Variants in SGCZ observed in about 807,000 individuals in gnomAD.
SGCZ encodes the protein sarcoglycan zeta.
In SGCZ, 40 loss-of-function variants were observed where a neutral mutation model predicts 41.3. The observed-to-expected ratio is 0.97, with a 90% CI of 0.75 to 1.26. The LOEUF is 1.26. SGCZ is among the 50% of genes most tolerant of loss of function. SGCZ has a pLI of 0.00. For missense variants in SGCZ, 552 were observed against 369.8 expected, an observed-to-expected ratio of 1.49 and a Z score of -4.04; for synonymous variants, 206 against 137.5, an observed-to-expected ratio of 1.50 and a Z score of -3.49.
At chr8:14,211,360 C>T (rs1181793512) in intron 4 of SGCZ, among the ~76,000 whole-genome samples, 1 of 152,148 alleles carries the variant, frequency 6.6e-6, no homozygotes, top group Non-Finnish European at 1.5e-5. Flanking sequence ...CACCCAGGCG[C>T]TACCAGTTTC....
chr8:14,131,038 C>A (rs530844975), intron 5 of SGCZ, among the ~76,000 whole-genome samples: 1 of 152,160 alleles, frequency 6.6e-6, no homozygotes, highest in Non-Finnish European at 1.5e-5. Flanking sequence ...CACCTAACCA[C>A]GAATAGGGAG....
intron 1 of SGCZ, among the ~76,000 whole-genome samples, chr8:14,850,152 T>C (rs1015614605): frequency 2.0e-5 from 3 of 152,242 alleles, no homozygotes; most frequent in African/African-American, 7.2e-5. Flanking sequence ...TTTGCTTTAC[T>C]TCAAAGTATC....
intron 1 of SGCZ, among the ~76,000 whole-genome samples, chr8:15,040,927 TAGATA>T (rs1804071512): frequency 1.3e-5 from 2 of 152,134 alleles, no homozygotes; most frequent in South Asian, 2.1e-4. Context: ...AGTATATTAT[TAGATA>T]AAAGGTAAAA....
At chr8:14,203,389 T>A (rs1312646009) in intron 4 of SGCZ, among the ~76,000 whole-genome samples, 1 of 152,154 alleles carries the variant, frequency 6.6e-6, no homozygotes, top group Admixed American at 6.6e-5. Context: ...TTATTTACCT[T>A]GGCTAACATA....
At chr8:14,506,149 A>G (rs552788166) in intron 2 of SGCZ, among the ~76,000 whole-genome samples, 1 of 152,182 alleles carries the variant, frequency 6.6e-6, no homozygotes, top group Admixed American at 6.5e-5. Flanking sequence ...CAGCCTGGCA[A>G]GCATGATGAA....
intron 1 of SGCZ, among the ~76,000 whole-genome samples, chr8:14,962,820 G>C (rs1044278624): frequency 3.9e-5 from 6 of 152,174 alleles, no homozygotes; most frequent in African/African-American, 1.4e-4. Context: ...GATAAGATAT[G>C]CAGAACAAGG....
intron 2 of SGCZ, among the ~76,000 whole-genome samples, chr8:14,416,971 G>C (rs796300842): frequency 1.3e-5 from 2 of 151,884 alleles, no homozygotes; most frequent in South Asian, 2.1e-4. Flanking sequence ...CATAAGGCAG[G>C]GTTATGTGAG....
At chr8:14,137,030 C>A (rs999081924) in intron 5 of SGCZ, among the ~76,000 whole-genome samples, 1 of 152,192 alleles carries the variant, frequency 6.6e-6, no homozygotes, top group Non-Finnish European at 1.5e-5. Context: ...CCAAGGCAAA[C>A]AGGGACTGGG....
chr8:14,455,846 G>C (rs1000395885), intron 2 of SGCZ, among the ~76,000 whole-genome samples: 10 of 152,146 alleles, frequency 6.6e-5, no homozygotes, highest in African/African-American at 9.7e-5. Context: ...ACAAAGTAAA[G>C]TACAAAAGAG....
In SGCZ at chr8:15,218,101, A is replaced by T. The variant is rs535304471; in HGVS notation, c.39+19484T>A. 5.3e-5 allele frequency among the ~76,000 whole-genome samples: 8 copies of T among 152,326 alleles called. No individual in the cohort carries two copies. In the South Asian group the frequency reaches 1.7e-3, roughly 32 times the overall value. ...CATAAAATACATGTATTTTAATAAA[A>T]TTGTGATTTTCTATTCTATTAAATT... On this transcript the variant is annotated intron_variant, in intron 1 of 7. Coordinates refer to ENST00000382080, the MANE Select transcript of SGCZ (RefSeq NM_139167.4).
chr8:15,194,471 G>C (rs1210994962), intron 1 of SGCZ, among the ~76,000 whole-genome samples: 9 of 152,112 alleles, frequency 5.9e-5, no homozygotes, highest in Non-Finnish European at 1.5e-5. Flanking sequence ...GCATGAATAT[G>C]TCACCTTACC....
intron 1 of SGCZ, among the ~76,000 whole-genome samples, chr8:14,638,815 G>T (rs1806921205): frequency 6.6e-6 from 1 of 151,698 alleles, no homozygotes; most frequent in African/African-American, 2.4e-5. Context: ...ATTTTATGAG[G>T]ATAAGGATTT....
intron 1 of SGCZ, among the ~76,000 whole-genome samples, chr8:15,206,348 A>G (rs992222292): frequency 2.0e-5 from 3 of 152,126 alleles, no homozygotes; most frequent in Admixed American, 6.5e-5. Flanking sequence ...CAAGAACTTC[A>G]GCATTTCTTG....
intron 5 of SGCZ, among the ~76,000 whole-genome samples, chr8:14,112,877 C>A (rs1349617483): frequency 6.6e-6 from 1 of 151,836 alleles, no homozygotes; most frequent in Non-Finnish European, 1.5e-5. Context: ...AACTCCAGAT[C>A]AACAGAAAAT....
intron 3 of SGCZ, among the ~76,000 whole-genome samples, chr8:14,281,715 C>G (rs998039640): frequency 3.3e-5 from 5 of 151,874 alleles, no homozygotes; most frequent in Admixed American, 6.6e-5. Context: ...TCTGAGAGAA[C>G]AACAAGGAAT....
chr8:15,012,920 T>C (rs545273605), intron 1 of SGCZ, among the ~76,000 whole-genome samples: 2 of 151,908 alleles, frequency 1.3e-5, no homozygotes, highest in South Asian at 2.1e-4. Context: ...TGTTTTCTCA[T>C]GTACTGGTGA....
At chr8:14,653,921 A>T (rs1291362430) in intron 1 of SGCZ, among the ~76,000 whole-genome samples, 1 of 152,154 alleles carries the variant, frequency 6.6e-6, no homozygotes, top group Non-Finnish European at 1.5e-5. Flanking sequence ...TTGAACAAGC[A>T]TTTCACCAAT....
chr8:14,963,471 G>A (rs763376383), intron 1 of SGCZ, among the ~76,000 whole-genome samples: 23 of 151,628 alleles, frequency 1.5e-4, no homozygotes, highest in Non-Finnish European at 2.8e-4. Flanking sequence ...CCTGAGTAGC[G>A]GGAATTACAG....
chr8:15,218,789 T>C (rs1801499320), intron 1 of SGCZ, among the ~76,000 whole-genome samples: 1 of 152,218 alleles, frequency 6.6e-6, no homozygotes, highest in African/African-American at 2.4e-5. Flanking sequence ...TGTACCCACA[T>C]AACTATCCTA....
Sources: gnomAD v4.1 joint callset for allele counts (sites outside exome capture counted in the v4.1 genomes callset) on GRCh38, gnomAD v4.1.1 for gene constraint, MANE v1.5 for transcripts, NCBI Gene and HGNC (gene_info 2026-07-23, HGNC 2026-07-21) for gene names.